The following PTPRD variants were observed in gnomAD, a reference collection of about 807,000 sequenced individuals.
PTPRD encodes the protein receptor-type tyrosine-protein phosphatase delta.
PTPRD carries 34 observed loss-of-function variants against 214.5 expected under a neutral mutation model. The ratio of observed to expected loss-of-function variants is 0.16; its 90% CI spans 0.12 to 0.21. The LOEUF is 0.21. PTPRD is among the 10% of genes least tolerant of loss of function. The pLI, the probability that PTPRD is intolerant of heterozygous loss-of-function variation, is 1.00. For synonymous variants in PTPRD, 1,128 were observed against 845.7 expected (o/e 1.33, Z -5.79); for missense variants, 2,545 against 2,398.7 (o/e 1.06, Z -1.27).
intron 2 of PTPRD, among the ~76,000 whole-genome samples, chr9:10,482,230 G>C (rs956142676): frequency 6.6e-6 from 1 of 151,848 alleles, no homozygotes; most frequent in Non-Finnish European, 1.5e-5. Flanking sequence ...AATTAGCCGG[G>C]CGTGGTGGCG....
At chr9:9,618,420 T>C (rs1446668410) in intron 7 of PTPRD, among the ~76,000 whole-genome samples, 1 of 152,140 alleles carries the variant, frequency 6.6e-6, no homozygotes, top group Non-Finnish European at 1.5e-5. Context: ...GCTTTATTTT[T>C]AGCTACATCA....
intron 5 of PTPRD, among the ~76,000 whole-genome samples, chr9:9,912,260 C>T (rs1239711938): frequency 1.3e-5 from 2 of 152,030 alleles, no homozygotes; most frequent in Non-Finnish European, 2.9e-5. Context: ...CCTGCCACTT[C>T]AGTTGAAAAA....
chr9:10,347,743 T>G (rs551791998), intron 2 of PTPRD, among the ~76,000 whole-genome samples: 1 of 151,956 alleles, frequency 6.6e-6, no homozygotes, highest in African/African-American at 2.4e-5. Context: ...ACATTCTAAT[T>G]ATTATTTGCT....
intron 12 of PTPRD, among the ~76,000 whole-genome samples, chr9:8,686,644 G>A (rs945751524): frequency 2.6e-4 from 40 of 152,104 alleles, no homozygotes; most frequent in Admixed American, 2.6e-3. Context: ...AGCTAGGATC[G>A]GAACCAGAGT....
At chr9:9,090,146 T>C (rs1001830529) in intron 10 of PTPRD, among the ~76,000 whole-genome samples, 14 of 152,180 alleles carry the variant, frequency 9.2e-5, no homozygotes, top group African/African-American at 3.4e-4. Context: ...TACTGTGCTA[T>C]TGAACACTGG....
At chr9:8,651,524 A>G (rs1045072461) in intron 12 of PTPRD, among the ~76,000 whole-genome samples, 4 of 152,194 alleles carry the variant, frequency 2.6e-5, no homozygotes, top group African/African-American at 9.7e-5. Context: ...TGAGTTCTAG[A>G]TGGAACACAG....
intron 2 of PTPRD, among the ~76,000 whole-genome samples, chr9:10,525,408 T>A (rs550520065): frequency 6.6e-6 from 1 of 152,138 alleles, no homozygotes; most frequent in South Asian, 2.1e-4. Context: ...ACTTTTTCTA[T>A]ACCAAGCCAC....
intron 9 of PTPRD, among the ~76,000 whole-genome samples, chr9:9,236,150 G>A (rs987787803): frequency 3.3e-5 from 5 of 152,100 alleles, no homozygotes; most frequent in African/African-American, 9.7e-5. Flanking sequence ...CTACCCAGGA[G>A]GCTGAGGCAG....
chr9:9,882,016 T>C (rs1019299244), intron 5 of PTPRD, among the ~76,000 whole-genome samples: 2 of 152,100 alleles, frequency 1.3e-5, no homozygotes, highest in African/African-American at 4.8e-5. Context: ...TTGTATAGTG[T>C]AACACTTTGC....
At chr9:10,113,553 C>T (rs1448001978) in intron 3 of PTPRD, among the ~76,000 whole-genome samples, 2 of 152,082 alleles carry the variant, frequency 1.3e-5, no homozygotes, top group Non-Finnish European at 2.9e-5. Flanking sequence ...ATAATGATCA[C>T]CTAGGGAGCT....
chr9:8,336,238 G>A (rs1031523414), intron 43 of PTPRD, among the ~76,000 whole-genome samples: 3 of 148,926 alleles, frequency 2.0e-5, no homozygotes, highest in Non-Finnish European at 2.9e-5. Context: ...GCATGGTACT[G>A]GTACCAAAAC....
chr9:10,274,811 C>G (rs1396463532), intron 3 of PTPRD, among the ~76,000 whole-genome samples: 1 of 152,124 alleles, frequency 6.6e-6, no homozygotes, highest in African/African-American at 2.4e-5. Context: ...TGACACCTCT[C>G]CTTCTAAAAT....
intron 3 of PTPRD, among the ~76,000 whole-genome samples, chr9:10,312,138 T>C (rs1467890447): frequency 6.6e-6 from 1 of 152,016 alleles, no homozygotes; most frequent in African/African-American, 2.4e-5. Context: ...AGACATGATT[T>C]GGTACTGTCA....
intron 10 of PTPRD, among the ~76,000 whole-genome samples, chr9:9,076,859 G>GT (rs1421964699): frequency 6.7e-6 from 1 of 148,888 alleles, no homozygotes; most frequent in Admixed American, 6.7e-5. Flanking sequence ...TCTATTTTTA[G>GT]TTTTTTGAGG....
rs182568205 is a variant in PTPRD, at chr9:10,125,112, T to G, written c.-544-91322A>C. ...TATTTAGGGTCCCATTTGATAAATA[T>G]GCTGATGATTTTCTGAGGCAGAATT... is the stretch of plus-strand genomic sequence containing the variant. On this transcript the variant is annotated intron_variant, in intron 3 of 45. Transcript: ENST00000381196. Among the ~76,000 whole-genome samples the G allele has an allele frequency of 4.5e-4, 69 of 152,332 alleles. No individual in the cohort carries two copies. The Middle Eastern group carries it at 0.01, about 23-fold the overall frequency.
chr9:9,886,215 T>A (rs531716627), intron 5 of PTPRD, among the ~76,000 whole-genome samples: 1 of 152,080 alleles, frequency 6.6e-6, no homozygotes, highest in African/African-American at 2.4e-5. Flanking sequence ...TATCAATACA[T>A]GTCTGGCTGC....
chr9:9,757,163 C>T (rs1018929883), intron 6 of PTPRD, among the ~76,000 whole-genome samples: 6 of 152,082 alleles, frequency 3.9e-5, no homozygotes, highest in African/African-American at 1.4e-4. Flanking sequence ...CATTCCTTAG[C>T]AGTTGTTCAT....
chr9:8,481,899 C>T (rs1427410654), intron 30 of PTPRD, among the ~76,000 whole-genome samples: 2 of 152,328 alleles, frequency 1.3e-5, no homozygotes, highest in East Asian at 1.9e-4. Context: ...TCTCCCGCCT[C>T]AGTCTCCTGA....
chr9:9,299,302 C>T (rs1374338130), intron 9 of PTPRD, among the ~76,000 whole-genome samples: 1 of 151,574 alleles, frequency 6.6e-6, no homozygotes, highest in South Asian at 2.1e-4. Flanking sequence ...GGTGATTTTG[C>T]CCCCCAGAGG....
Sources: allele counts gnomAD v4.1 joint callset (sites outside exome capture counted in the v4.1 genomes callset), GRCh38; gene constraint gnomAD v4.1.1; transcripts MANE v1.5; gene names NCBI Gene and HGNC (gene_info 2026-07-23, HGNC 2026-07-21).